Variants in ALG9 observed in about 807,000 individuals in gnomAD.
The protein encoded by ALG9 is ALG9 alpha-1,2-mannosyltransferase.
A neutral mutation model predicts 81.8 loss-of-function variants in ALG9; 55 were observed. The ratio of observed to expected loss-of-function variants is 0.67; its 90% CI spans 0.54 to 0.84. The LOEUF is 0.84. Among genes scored for constraint, ALG9 ranks in the 40% least tolerant of loss-of-function variants. The probability of loss-of-function intolerance (pLI) is 0.00; values close to 1 mark genes in which losing one functional copy is unlikely to be tolerated. For missense variants in ALG9, 629 were observed against 745.0 expected, an observed-to-expected ratio of 0.84 and a Z score of 1.81; for synonymous variants, 278 against 274.3, an observed-to-expected ratio of 1.01 and a Z score of -0.13.
chr11:111,795,465 A>ATTGTAT (rs1948120362), intron 14 of ALG9, among the ~76,000 whole-genome samples: 1 of 152,194 alleles, frequency 6.6e-6, no homozygotes, highest in Non-Finnish European at 1.5e-5. Context: ...ATATACTGCA[A>ATTGTAT]AAGGTCCCAT....
chr11:111,817,655 T>C (rs896669125), intron 13 of ALG9: 6 of 152,174 alleles, frequency 3.9e-5, no homozygotes, highest in African/African-American at 1.4e-4. Context: ...GGTTTCACCA[T>C]GTTGCCCAGG....
At chr11:111,838,518 T>TA (rs1240152256) in intron 10 of ALG9, 119 bp from the exon 11 acceptor site, 1 of 866,610 alleles carries the variant, frequency 1.2e-6, no homozygotes, top group African/African-American at 1.7e-5. Flanking sequence ...AACAGTGAGG[T>TA]ACCTACTCCA....
Position 111,793,618 on chromosome 11 carries a change from A to G in ALG9, c.1734-7098T>C, listed in dbSNP as rs909343425. 3.3e-5 allele frequency among the ~76,000 whole-genome samples: 5 copies of G among 152,152 alleles called. 1 individual carries two copies. The South Asian group carries it at 1.0e-3, about 32-fold the overall frequency. ...CTACTAAAAATACAAAAAATTAGCC[A>G]GGCATGGTGGCGGGTGCCTGTAGTC... On this transcript the variant is annotated intron_variant, in intron 14 of 14. Transcript: ENST00000616540.
chr11:111,785,821 T>C lies in ALG9; in HGVS notation c.*576A>G. 2.9e-6 allele frequency: 1 copy of C among 348,326 alleles called. No individual in the cohort carries two copies. Among genetic ancestry groups the C allele is most frequent in the Non-Finnish European group, 5.6e-6 (1 of 177,464 alleles). 21.6% of individuals were successfully genotyped at this position (348,326 alleles called of 1,614,324 possible). ...CTGAGATAGCTCCAGGACAGGGTCC[T>C]AGTCCTGTGAAGTGCTTTAAAGAAG... On this transcript the variant is annotated 3_prime_UTR_variant, in exon 15 of 15. Coordinates refer to ENST00000616540, the MANE Select transcript of ALG9 (RefSeq NM_024740.2).
chr11:111,831,812 A>G (rs1954421638), intron 13 of ALG9, among the ~76,000 whole-genome samples: 1 of 152,256 alleles, frequency 6.6e-6, no homozygotes, highest in Non-Finnish European at 1.5e-5. Context: ...AATGAAATAA[A>G]GAATATTTTG....
chr11:111,789,766 G>C (rs1356156845), intron 14 of ALG9, among the ~76,000 whole-genome samples: 1 of 151,470 alleles, frequency 6.6e-6, no homozygotes, highest in African/African-American at 2.4e-5. Context: ...GTTGCAGTGA[G>C]CTGAGACTGT....
chr11:111,850,833 C>T (rs1957689157), intron 8 of ALG9, among the ~76,000 whole-genome samples: 1 of 151,810 alleles, frequency 6.6e-6, no homozygotes, highest in South Asian at 2.1e-4. Context: ...AGCACTGTAT[C>T]AGTCCTGTTC....
chr11:111,846,161 T>G (rs1191418610), intron 8 of ALG9, among the ~76,000 whole-genome samples: 1 of 152,194 alleles, frequency 6.6e-6, no homozygotes, highest in Non-Finnish European at 1.5e-5. Flanking sequence ...TTAAACTGAG[T>G]CCTTTAGGAT....
At chr11:111,864,466 T>C (rs1255987522) in intron 4 of ALG9, 7 of 743,160 alleles carry the variant, frequency 9.4e-6, no homozygotes, top group Non-Finnish European at 1.5e-5. Context: ...TGTAGTAAAA[T>C]GAATTTCAAA....
At chr11:111,853,786 C>G in intron 6 of ALG9, 50 bp from the exon 7 acceptor site, 6 of 1,480,784 alleles carry the variant, frequency 4.1e-6, no homozygotes, top group Non-Finnish European at 5.7e-6. Context: ...CTGACAGAGA[C>G]AAATCAGATT....
chr11:111,823,459 T>C (rs1271173565), intron 13 of ALG9, among the ~76,000 whole-genome samples: 1 of 152,216 alleles, frequency 6.6e-6, no homozygotes, highest in Non-Finnish European at 1.5e-5. Context: ...AGAAAGTCTA[T>C]GTCTTGCTTT....
At chr11:111,830,133 T>C (rs1555112392) in intron 13 of ALG9, among the ~76,000 whole-genome samples, 1 of 152,244 alleles carries the variant, frequency 6.6e-6, no homozygotes, top group African/African-American at 2.4e-5. Flanking sequence ...CAGACTCTCC[T>C]AACTTCCAGT....
chr11:111,826,812 T>A (rs1953391909), intron 13 of ALG9, among the ~76,000 whole-genome samples: 1 of 152,206 alleles, frequency 6.6e-6, no homozygotes, highest in South Asian at 2.1e-4. Context: ...CCGTCTCATC[T>A]GTTTTCTCTT....
intron 8 of ALG9, among the ~76,000 whole-genome samples, chr11:111,851,124 C>T (rs1296769980): frequency 6.6e-6 from 1 of 152,128 alleles, no homozygotes. Flanking sequence ...GCACCGTAAA[C>T]TTAAATCAGA....
chr11:111,773,001 G>A, the ALG9 span, among the ~76,000 whole-genome samples: 1 of 152,054 alleles, frequency 6.6e-6, no homozygotes, highest in Non-Finnish European at 1.5e-5. Context: ...CACTCTGGGA[G>A]GCCGAGGCAG....
the ALG9 span, among the ~76,000 whole-genome samples, chr11:111,774,411 G>A: frequency 1.3e-5 from 2 of 152,082 alleles, no homozygotes; most frequent in Non-Finnish European, 2.9e-5. Flanking sequence ...AAAGGCAAGG[G>A]CCAGAATAGT....
At chr11:111,806,148 C>A (rs1404505266) in intron 14 of ALG9, among the ~76,000 whole-genome samples, 2 of 152,108 alleles carry the variant, frequency 1.3e-5, no homozygotes, top group Admixed American at 6.6e-5. Context: ...GTGTGAGCCA[C>A]CGTGCCTGGC....
intron 1 of ALG9, chr11:111,871,131 C>A: frequency 4.0e-6 from 5 of 1,262,708 alleles, no homozygotes; most frequent in Non-Finnish European, 5.0e-6. Context: ...GATCCGCACT[C>A]CAAGGCAGTT....
At chr11:111,814,703 A>G (rs1951223059) in intron 13 of ALG9, 1 of 152,158 alleles carries the variant, frequency 6.6e-6, no homozygotes, top group Non-Finnish European at 1.5e-5. Context: ...ATCTGTCTCT[A>G]CATATGGCCT....
Sources: gnomAD v4.1 joint callset for allele counts (sites outside exome capture counted in the v4.1 genomes callset) on GRCh38, gnomAD v4.1.1 for gene constraint, MANE v1.5 for transcripts, NCBI Gene and HGNC (gene_info 2026-07-23, HGNC 2026-07-21) for gene names.